ST18: variants seen among roughly 807,000 people sequenced by gnomAD.
ST18 encodes suppression of tumorigenicity 18 protein.
ST18 carries 50 observed loss-of-function variants against 110.0 expected under a neutral mutation model. That is an observed-to-expected ratio of 0.45 (90% CI 0.36 to 0.58). The LOEUF (loss-of-function observed/expected upper bound fraction) is 0.58. Ranked by LOEUF, ST18 falls within the 20% of genes least tolerant of loss-of-function variation. The pLI, the probability that ST18 is intolerant of heterozygous loss-of-function variation, is 0.00. For synonymous variants in ST18, 461 were observed against 452.4 expected, an observed-to-expected ratio of 1.02 and a Z score of -0.24; for missense variants, 1,306 against 1,280.1, an observed-to-expected ratio of 1.02 and a Z score of -0.31.
At chr8:52,158,141 C>G (rs1425645890) in intron 15 of ST18, among the ~76,000 whole-genome samples, 2 of 152,178 alleles carry the variant, frequency 1.3e-5, no homozygotes, top group Non-Finnish European at 2.9e-5. Context: ...ATCAGAAGCC[C>G]TTTGCTGTCA....
At chr8:52,301,558 T>A (rs1475624387) in intron 2 of ST18, among the ~76,000 whole-genome samples, 1 of 152,212 alleles carries the variant, frequency 6.6e-6, no homozygotes, top group Non-Finnish European at 1.5e-5. Context: ...TATTTATTTC[T>A]AATATGATAT....
At position 52,235,125 on chromosome 8, in the gene ST18, T is replaced by C. The variant is rs1055108862; in HGVS notation, c.-464-5048A>G. Among the ~76,000 whole-genome samples the C allele has an allele frequency of 6.6e-5, 10 of 151,798 alleles. No individual in the cohort carries two copies. In the South Asian group the frequency reaches 1.9e-3, roughly 28 times the overall value. On this transcript the variant is annotated intron_variant, in intron 2 of 25. Transcript: ENST00000689386. ...CAAAAACCTATGGAAATCAAAAGTT[T>C]TAAAAGCAATAAGCATTAATAAAAA...
At chr8:52,292,381 A>ATG (rs72283228) in intron 2 of ST18, among the ~76,000 whole-genome samples, 2,302 of 150,868 alleles carry the variant, frequency 0.015, 30 homozygotes, top group African/African-American at 0.04. Flanking sequence ...GCATGCATGT[A>ATG]TGTGTGTGTG....
At chr8:52,350,257 C>T (rs1380986757) in intron 2 of ST18, among the ~76,000 whole-genome samples, 1 of 152,182 alleles carries the variant, frequency 6.6e-6, no homozygotes, top group Non-Finnish European at 1.5e-5. Context: ...GTATCCCAAT[C>T]CTTCTATTCT....
At chr8:52,297,091 A>T (rs1285820149) in intron 2 of ST18, among the ~76,000 whole-genome samples, 2 of 152,240 alleles carry the variant, frequency 1.3e-5, no homozygotes, top group African/African-American at 4.8e-5. Context: ...AACTCATATA[A>T]GAATCTGTGT....
intron 2 of ST18, among the ~76,000 whole-genome samples, chr8:52,244,567 A>G (rs920682937): frequency 3.3e-5 from 5 of 152,228 alleles, no homozygotes; most frequent in African/African-American, 1.2e-4. Flanking sequence ...AAAAGAAAAC[A>G]GAAAATAACT....
intron 8 of ST18, among the ~76,000 whole-genome samples, chr8:52,196,125 AAGCACAG>A (rs1421571947): frequency 6.6e-6 from 1 of 152,216 alleles, no homozygotes; most frequent in Non-Finnish European, 1.5e-5. Flanking sequence ...GGTGCTGCTT[AAGCACAG>A]AAGTAGAGGT....
intron 2 of ST18, among the ~76,000 whole-genome samples, chr8:52,392,497 C>A (rs1203688271): frequency 6.6e-6 from 1 of 152,104 alleles, no homozygotes; most frequent in Non-Finnish European, 1.5e-5. Flanking sequence ...CTTAATAGGG[C>A]AGAAATTATA....
intron 2 of ST18, chr8:52,249,541 A>G: frequency 6.6e-6 from 1 of 151,974 alleles, no homozygotes; most frequent in East Asian, 1.9e-4. Flanking sequence ...TTACTTAACG[A>G]CCAATCTCAT....
chr8:52,175,708 C>G (rs1432793321), intron 9 of ST18, among the ~76,000 whole-genome samples: 1 of 152,164 alleles, frequency 6.6e-6, no homozygotes, highest in African/African-American at 2.4e-5. Context: ...ACAAGAAAGG[C>G]ATTTTCTACT....
intron 2 of ST18, among the ~76,000 whole-genome samples, chr8:52,389,245 C>T (rs1212090910): frequency 6.6e-6 from 1 of 152,108 alleles, no homozygotes; most frequent in Non-Finnish European, 1.5e-5. Context: ...TCCCAGTTGG[C>T]GCCCGGCAGG....
At chr8:52,385,354 C>T (rs1477229205) in intron 2 of ST18, among the ~76,000 whole-genome samples, 2 of 152,160 alleles carry the variant, frequency 1.3e-5, no homozygotes, top group Non-Finnish European at 2.9e-5. Flanking sequence ...TGGTCCAGCA[C>T]TTTGGGAGGC....
chr8:52,319,102 T>A (rs949052275), intron 2 of ST18, among the ~76,000 whole-genome samples: 6 of 151,982 alleles, frequency 3.9e-5, no homozygotes, highest in Admixed American at 1.3e-4. Context: ...GTTGGAAATT[T>A]AAAAAAAATT....
At chr8:52,334,898 T>C (rs1459449202) in intron 2 of ST18, among the ~76,000 whole-genome samples, 1 of 152,152 alleles carries the variant, frequency 6.6e-6, no homozygotes, top group Non-Finnish European at 1.5e-5. Flanking sequence ...AACTCCAAGC[T>C]TGCTCCACCC....
chr8:52,262,976 G>A (rs891920197), intron 2 of ST18, among the ~76,000 whole-genome samples: 8 of 152,236 alleles, frequency 5.3e-5, no homozygotes, highest in African/African-American at 7.2e-5. Context: ...CTGTTACAAA[G>A]GTTGCTGTTT....
intron 2 of ST18, among the ~76,000 whole-genome samples, chr8:52,272,489 A>G (rs1397372130): frequency 6.6e-6 from 1 of 152,220 alleles, no homozygotes; most frequent in Non-Finnish European, 1.5e-5. Context: ...ACTAATCATC[A>G]GGGAAATGCA....
chr8:52,335,847 GT>G (rs2140130936), intron 2 of ST18, among the ~76,000 whole-genome samples: 1 of 152,164 alleles, frequency 6.6e-6, no homozygotes, highest in African/African-American at 2.4e-5. Context: ...CCAACAAGGT[GT>G]CCTCCGTAAG....
At chr8:52,380,166 G>C (rs1372112108) in intron 2 of ST18, among the ~76,000 whole-genome samples, 2 of 152,116 alleles carry the variant, frequency 1.3e-5, no homozygotes, top group Admixed American at 1.3e-4. Flanking sequence ...GTTTGATATG[G>C]ACAGTAAATT....
At chr8:52,150,241 A>C (rs986382441) in intron 15 of ST18, among the ~76,000 whole-genome samples, 3 of 151,456 alleles carry the variant, frequency 2.0e-5, no homozygotes, top group African/African-American at 4.9e-5. Flanking sequence ...TATATTGGCT[A>C]AAACAGTTTT....
Sources: allele counts gnomAD v4.1 joint callset (sites outside exome capture counted in the v4.1 genomes callset), GRCh38; gene constraint gnomAD v4.1.1; transcripts MANE v1.5; gene names NCBI Gene and HGNC (gene_info 2026-07-23, HGNC 2026-07-21).